Variants in WLS observed in about 807,000 individuals in gnomAD.
WLS encodes Wnt ligand secretion mediator, also known as protein wntless homolog.
Under a neutral mutation model 62.8 loss-of-function variants are expected in WLS, and 23 were observed. The ratio of observed to expected loss-of-function variants is 0.37; its 90% CI spans 0.26 to 0.52. The LOEUF (loss-of-function observed/expected upper bound fraction) is 0.52. Among genes scored for constraint, WLS ranks in the 20% least tolerant of loss-of-function variants. The probability of loss-of-function intolerance (pLI) is 0.92; values close to 1 mark genes in which losing one functional copy is unlikely to be tolerated. For synonymous variants in WLS, 246 were observed against 244.1 expected (o/e 1.01, Z -0.07); for missense variants, 615 against 697.3 (o/e 0.88, Z 1.33).
chr1:68,143,570 C>T (rs1294060616), intron 10 of WLS, among the ~76,000 whole-genome samples: 1 of 152,054 alleles, frequency 6.6e-6, no homozygotes, highest in East Asian at 1.9e-4. Flanking sequence ...AAATACTTAC[C>T]ATTGTGTTAC....
intron 2 of WLS, among the ~76,000 whole-genome samples, chr1:68,184,337 A>G (rs1397190776): frequency 6.6e-6 from 1 of 152,230 alleles, no homozygotes; most frequent in Non-Finnish European, 1.5e-5. Flanking sequence ...ACCCATTTCC[A>G]GTGGGTACCG....
intron 3 of WLS, among the ~76,000 whole-genome samples, chr1:68,158,697 G>T (rs1283493837): frequency 2.0e-5 from 3 of 152,190 alleles, no homozygotes; most frequent in African/African-American, 7.2e-5. Flanking sequence ...CCCGCAGGCA[G>T]AGTTGGACAA....
At chr1:68,212,958 G>A (rs765424165) in intron 1 of WLS, among the ~76,000 whole-genome samples, 3 of 152,126 alleles carry the variant, frequency 2.0e-5, no homozygotes, top group East Asian at 1.9e-4. Context: ...TTAGCTAAGC[G>A]CTAAGATATA....
intron 10 of WLS, among the ~76,000 whole-genome samples, chr1:68,140,042 G>A (rs946059967): frequency 6.6e-6 from 1 of 152,182 alleles, no homozygotes; most frequent in Admixed American, 6.5e-5. Flanking sequence ...TTCATAACAA[G>A]GATAAGCATA....
At chr1:68,148,744 C>G in intron 6 of WLS, 84 bp from the exon 7 acceptor site, 1 of 1,223,426 alleles carries the variant, frequency 8.2e-7, no homozygotes, top group Non-Finnish European at 1.2e-6. Flanking sequence ...TCGAAGGACA[C>G]TTGCCGACCA....
At chr1:68,205,500 A>C (rs1220566001) in intron 1 of WLS, among the ~76,000 whole-genome samples, 1 of 152,226 alleles carries the variant, frequency 6.6e-6, no homozygotes, top group Non-Finnish European at 1.5e-5. Flanking sequence ...CAGGTTCTCA[A>C]AGCCAGGACT....
At chr1:68,155,543 C>A (rs562350141) in intron 3 of WLS, among the ~76,000 whole-genome samples, 1 of 152,278 alleles carries the variant, frequency 6.6e-6, no homozygotes, top group South Asian at 2.1e-4. Context: ...CTCCTAACAC[C>A]TTTCTAGGCT....
At chr1:68,231,542 C>T (rs1046610349) in intron 1 of WLS, 1 of 301,244 alleles carries the variant, frequency 3.3e-6, no homozygotes, top group Non-Finnish European at 6.6e-6. Context: ...AGGACTCCCT[C>T]CCACCCCACC....
chr1:68,183,703 G>A (rs1203450120), intron 2 of WLS: 9 of 261,672 alleles, frequency 3.4e-5, no homozygotes, highest in South Asian at 3.3e-4. Flanking sequence ...TTCCCTTGAT[G>A]TCCACTTAAC....
At chr1:68,184,144 G>A (rs75620878) in intron 2 of WLS, among the ~76,000 whole-genome samples, 5,660 of 152,226 alleles carry the variant, frequency 0.037, 343 homozygotes, top group African/African-American at 0.13. Context: ...TCCATCTTGA[G>A]GCTTTCTGCC....
intron 11 of WLS, among the ~76,000 whole-genome samples, chr1:68,112,176 G>A (rs991636373): frequency 6.6e-6 from 1 of 152,224 alleles, no homozygotes; most frequent in African/African-American, 2.4e-5. Context: ...GGCAGCCCAT[G>A]CTAGGGTGCA....
chr1:68,214,942 A>T (rs1050080767), intron 1 of WLS, among the ~76,000 whole-genome samples: 1 of 152,188 alleles, frequency 6.6e-6, no homozygotes, highest in African/African-American at 2.4e-5. Flanking sequence ...CTGTGAGTTG[A>T]AATTCAGTAA....
At chr1:68,218,090 A>G (rs562533225) in intron 1 of WLS, among the ~76,000 whole-genome samples, 1 of 152,334 alleles carries the variant, frequency 6.6e-6, no homozygotes, top group African/African-American at 2.4e-5. Context: ...AAGTAAACAT[A>G]CAACTGGTAG....
At chr1:68,229,126 T>C (rs1285040360) in intron 1 of WLS, among the ~76,000 whole-genome samples, 1 of 152,140 alleles carries the variant, frequency 6.6e-6, no homozygotes, top group Non-Finnish European at 1.5e-5. Flanking sequence ...CTCCTTCCTC[T>C]ACCAATGAGG....
chr1:68,199,889 A>G (rs1279412990), intron 1 of WLS, among the ~76,000 whole-genome samples: 1 of 152,156 alleles, frequency 6.6e-6, no homozygotes, highest in African/African-American at 2.4e-5. Context: ...TCCCCGTCCT[A>G]TTCCCACAAA....
chr1:68,198,809 C>T (rs1023442892), intron 1 of WLS, among the ~76,000 whole-genome samples: 3 of 152,152 alleles, frequency 2.0e-5, no homozygotes, highest in Non-Finnish European at 4.4e-5. Context: ...AATGAATACA[C>T]CAGAATGACA....
At chr1:68,106,716 CTGTGTGTG>C (rs59601112) in intron 11 of WLS, among the ~76,000 whole-genome samples, 3,247 of 146,802 alleles carry the variant, frequency 0.022, 94 homozygotes, top group African/African-American at 0.065. Context: ...GTGTTTGTCA[CTGTGTGTG>C]TGTGTGTGTG....
Position 68,098,893 on chromosome 1 carries a change from T to G in WLS, c.1511-140A>C, listed in dbSNP as rs903545082. On this transcript the variant is annotated intron_variant, in intron 11 of 11. Coordinates refer to the WLS transcript ENST00000354777. ...TCTAGTGGAGTGTTTGAAATTTGTT[T>G]AGGACTGTGTCCTTCATTGTGGGAC... 96 of 1,307,328 alleles carry G rather than the reference T, an allele frequency of 7.3e-5. No homozygotes were observed. In the East Asian group the frequency reaches 1.6e-3, roughly 21 times the overall value. The allele number at this position is 1,307,328 out of a possible 1,614,324, so 81.0% of individuals were successfully genotyped here. A position where few individuals can be genotyped will look rare whatever the true frequency, so the allele number is the denominator to read the frequency against.
chr1:68,098,595 A>G, exon 12 of WLS: 1 of 1,609,182 alleles, frequency 6.2e-7, no homozygotes, highest in Non-Finnish European at 8.5e-7. Context: ...TGACAACTGC[A>G]AATGCAAAGC....
Sources: allele counts gnomAD v4.1 joint callset (sites outside exome capture counted in the v4.1 genomes callset), GRCh38; gene constraint gnomAD v4.1.1; transcripts MANE v1.5; gene names NCBI Gene and HGNC (gene_info 2026-07-23, HGNC 2026-07-21).